Variants in RGL1 observed in about 807,000 individuals in gnomAD.
RGL1 encodes the protein ral guanine nucleotide dissociation stimulator-like 1.
RGL1 carries 24 observed loss-of-function variants against 95.2 expected under a neutral mutation model. The observed-to-expected ratio is 0.25, with a 90% CI of 0.18 to 0.35. RGL1 has a LOEUF of 0.35. Ranked by LOEUF, RGL1 falls within the 10% of genes least tolerant of loss-of-function variation. RGL1 has a pLI of 1.00. For synonymous variants in RGL1, 329 were observed against 344.9 expected (o/e 0.95, Z 0.51); for missense variants, 715 against 936.3 (o/e 0.76, Z 3.08).
At chr1:183,805,079 G>T, upstream of RGL1, 1 of 430,206 alleles carries the variant, frequency 2.3e-6, no homozygotes, top group Non-Finnish European at 4.0e-6. Flanking sequence ...GTGGGGAGGA[G>T]TCTGCTCCTC....
At chr1:183,774,051 G>A (rs765185710) in intron 2 of RGL1, among the ~76,000 whole-genome samples, 1 of 152,114 alleles carries the variant, frequency 6.6e-6, no homozygotes, top group Non-Finnish European at 1.5e-5. Flanking sequence ...CAACAAAAGT[G>A]AGTGATTGCC....
chr1:183,926,180 A>G lies in RGL1; in HGVS notation c.2195A>G (p.Lys732Arg). The G allele has an allele frequency of 6.2e-7, 1 of 1,614,180 alleles. No homozygotes were observed. The highest frequency in any genetic ancestry group is 8.5e-7 in the Non-Finnish European group (1 of 1,180,002). Residue 732 changes from lysine to arginine, a missense_variant, in exon 18 of 18, where the codon AAA becomes AGA. This residue lies in a region of RGL1 where 330 missense variants were observed against 429.6 expected (regional missense o/e 0.77). Coordinates refer to ENST00000360851, the MANE Select transcript of RGL1 (RefSeq NM_001297671.3). ...SQVNFDFILR[K>R]KNSMEEQVKL... The stretch of plus-strand genomic sequence containing the variant: ...GTGAACTTTGACTTCATTTTGCGCA[A>G]AAAGAACTCCATGGAAGAACAAGTG...
In RGL1 at chr1:183,765,812, T is replaced by G. The variant is rs183300586; in HGVS notation, c.132+23523T>G. Among the ~76,000 whole-genome samples, 64 of 152,312 alleles carry G rather than the reference T, an allele frequency of 4.2e-4. No homozygotes were observed. In the Middle Eastern group the frequency reaches 0.014, roughly 32 times the overall value. Reference sequence around the variant, plus strand: ...GATGATAAAAATCTTAGGATAGCTATAGTCAAAGACACAATTGACAAGAAA... The same window carrying G: ...GATGATAAAAATCTTAGGATAGCTAGAGTCAAAGACACAATTGACAAGAAA... On this transcript the variant is annotated intron_variant, in intron 2 of 18. Transcript: ENST00000304685.
intron 1 of RGL1, among the ~76,000 whole-genome samples, chr1:183,656,385 A>T (rs139499144): frequency 2.0e-5 from 3 of 152,198 alleles, no homozygotes; most frequent in African/African-American, 4.8e-5. Flanking sequence ...GCCTCCTTAC[A>T]TATTTTAAGT....
chr1:183,752,891 CT>C (rs898752597), intron 2 of RGL1, among the ~76,000 whole-genome samples: 2 of 152,092 alleles, frequency 1.3e-5, no homozygotes, highest in Non-Finnish European at 2.9e-5. Flanking sequence ...AATGTAACAT[CT>C]TTTCTCTATA....
chr1:183,685,579 A>C (rs1466206613), intron 1 of RGL1, among the ~76,000 whole-genome samples: 1 of 152,220 alleles, frequency 6.6e-6, no homozygotes, highest in Non-Finnish European at 1.5e-5. Context: ...ATAATTTCAA[A>C]AAGATTATAG....
chr1:183,788,514 C>T (rs1176096996), intron 2 of RGL1, among the ~76,000 whole-genome samples: 2 of 152,234 alleles, frequency 1.3e-5, no homozygotes, highest in African/African-American at 4.8e-5. Flanking sequence ...TCTGGACACT[C>T]ATTGGCTCAG....
chr1:183,738,119 T>A (rs1416726808), intron 1 of RGL1, among the ~76,000 whole-genome samples: 2 of 152,188 alleles, frequency 1.3e-5, no homozygotes, highest in South Asian at 2.1e-4. Flanking sequence ...CTTGACTATG[T>A]GTTTTAAGAA....
At position 183,778,763 on chromosome 1, in the gene RGL1, T is replaced by C. The variant is rs1390952108; in HGVS notation, c.133-27612T>C. On this transcript the variant is annotated intron_variant, in intron 2 of 18. Transcript: ENST00000304685. Reference sequence around the variant, plus strand: ...CTCAGGTTTTGGATCAAAATATACATGGTCAGCATAAGTCTCTCTGAGCAG... The same window carrying C: ...CTCAGGTTTTGGATCAAAATATACACGGTCAGCATAAGTCTCTCTGAGCAG... Among the ~76,000 whole-genome samples, 3 of 152,208 alleles carry C rather than the reference T, an allele frequency of 2.0e-5. No individual in the cohort carries two copies. The South Asian group carries it at 6.2e-4, about 32-fold the overall frequency.
chr1:183,854,534 A>T (rs1665019973), intron 3 of RGL1, among the ~76,000 whole-genome samples: 2 of 152,216 alleles, frequency 1.3e-5, no homozygotes, highest in South Asian at 2.1e-4. Context: ...TCCACAGTGT[A>T]GAGAGGAGTT....
intron 2 of RGL1, among the ~76,000 whole-genome samples, chr1:183,826,019 A>ATCAG (rs1429995466): frequency 4.9e-5 from 7 of 144,100 alleles, no homozygotes; most frequent in African/African-American, 1.7e-4. Context: ...CAATCAATCA[A>ATCAG]TCAATCAATC....
At chr1:183,858,882 A>C (rs1665332879) in intron 3 of RGL1, among the ~76,000 whole-genome samples, 1 of 152,224 alleles carries the variant, frequency 6.6e-6, no homozygotes, top group Non-Finnish European at 1.5e-5. Flanking sequence ...GGATGCCATG[A>C]TACTAAACTC....
At chr1:183,830,835 T>G (rs970006623) in intron 2 of RGL1, among the ~76,000 whole-genome samples, 6 of 152,256 alleles carry the variant, frequency 3.9e-5, no homozygotes, top group African/African-American at 1.4e-4. Context: ...TAATTTTGTT[T>G]ACTTGAAATT....
At chr1:183,638,885 G>A (rs747943646) in intron 1 of RGL1, among the ~76,000 whole-genome samples, 7 of 152,202 alleles carry the variant, frequency 4.6e-5, no homozygotes, top group Non-Finnish European at 1.0e-4. Flanking sequence ...AGGGACTTTA[G>A]TAAGGCTATA....
intron 1 of RGL1, among the ~76,000 whole-genome samples, chr1:183,722,299 C>G (rs1379569698): frequency 2.7e-5 from 4 of 149,540 alleles, no homozygotes; most frequent in African/African-American, 4.9e-5. Context: ...AGCTTACACA[C>G]AGAGATAAAA....
chr1:183,901,250 G>A (rs1192448575), intron 11 of RGL1, among the ~76,000 whole-genome samples: 1 of 152,080 alleles, frequency 6.6e-6, no homozygotes, highest in East Asian at 1.9e-4. Context: ...AGTGAGCCGA[G>A]ATTGCGCCAC....
At chr1:183,830,196 C>T (rs893987682) in intron 2 of RGL1, among the ~76,000 whole-genome samples, 34 of 152,074 alleles carry the variant, frequency 2.2e-4, no homozygotes, top group Non-Finnish European at 4.0e-4. Flanking sequence ...AGTGGCAATG[C>T]GCCTAACTTA....
intron 2 of RGL1, among the ~76,000 whole-genome samples, chr1:183,758,668 G>C (rs1558191437): frequency 6.6e-6 from 1 of 151,944 alleles, no homozygotes; most frequent in African/African-American, 2.4e-5. Flanking sequence ...TTTTATAAGG[G>C]CATGAATCCC....
chr1:183,712,277 A>C (rs2102178079), intron 1 of RGL1, among the ~76,000 whole-genome samples: 1 of 152,354 alleles, frequency 6.6e-6, no homozygotes, highest in African/African-American at 2.4e-5. Flanking sequence ...GGCCTGTGAC[A>C]GCAGGAGGAG....
Sources: allele counts gnomAD v4.1 joint callset (sites outside exome capture counted in the v4.1 genomes callset), GRCh38; gene constraint gnomAD v4.1.1; regional missense constraint gnomAD v4.1.1; transcripts MANE v1.5; gene names NCBI Gene and HGNC (gene_info 2026-07-23, HGNC 2026-07-21).